The following TMEM132C variants were observed in gnomAD, a reference collection of about 807,000 sequenced individuals.
TMEM132C encodes the protein protein phosphatase 1, regulatory subunit 152.
TMEM132C carries 29 observed loss-of-function variants against 61.4 expected under a neutral mutation model. The ratio of observed to expected loss-of-function variants is 0.47; its 90% confidence interval spans 0.35 to 0.64. The LOEUF (loss-of-function observed/expected upper bound fraction) is 0.64. Among genes scored for constraint, TMEM132C ranks in the 30% least tolerant of loss-of-function variants. TMEM132C has a pLI of 0.00. For synonymous variants in TMEM132C, 656 were observed against 633.1 expected, an observed-to-expected ratio of 1.04 and a Z score of -0.54; for missense variants, 1,408 against 1,476.9, an observed-to-expected ratio of 0.95 and a Z score of 0.76.
chr12:128,649,116 T>G (rs1358149659), intron 4 of TMEM132C, among the ~76,000 whole-genome samples: 3 of 152,256 alleles, frequency 2.0e-5, no homozygotes, highest in Admixed American at 6.5e-5. Flanking sequence ...ATTGCCAGCC[T>G]GGCTCTCGTG....
At chr12:128,463,200 C>T (rs1414969759) in intron 2 of TMEM132C, among the ~76,000 whole-genome samples, 1 of 152,188 alleles carries the variant, frequency 6.6e-6, no homozygotes, top group African/African-American at 2.4e-5. Flanking sequence ...TATATATAAC[C>T]TACCGCAATT....
intron 8 of TMEM132C, 27 bp from the exon 9 acceptor site, chr12:128,705,063 G>C: frequency 2.0e-6 from 3 of 1,493,408 alleles, no homozygotes; most frequent in Non-Finnish European, 2.7e-6. Flanking sequence ...CCCCCAGGTG[G>C]TCTTCTAACT....
chr12:128,614,512 G>C (rs73161919), intron 3 of TMEM132C, among the ~76,000 whole-genome samples: 1 of 151,982 alleles, frequency 6.6e-6, no homozygotes, highest in Non-Finnish European at 1.5e-5. Context: ...ACCACCAGCT[G>C]TCTTAGGCAA....
intron 2 of TMEM132C, among the ~76,000 whole-genome samples, chr12:128,454,499 G>T (rs1329039976): frequency 6.6e-6 from 1 of 152,208 alleles, no homozygotes; most frequent in Non-Finnish European, 1.5e-5. Context: ...AATATAGAAG[G>T]TTAAAATGAC....
chr12:128,571,060 T>C (rs1874861932), intron 3 of TMEM132C, among the ~76,000 whole-genome samples: 1 of 152,204 alleles, frequency 6.6e-6, no homozygotes, highest in Non-Finnish European at 1.5e-5. Context: ...TTTGGGCTTT[T>C]GGATGTAGTC....
intron 1 of TMEM132C, among the ~76,000 whole-genome samples, chr12:128,330,848 A>G (rs867919500): frequency 5.3e-5 from 8 of 152,212 alleles, no homozygotes; most frequent in Admixed American, 3.9e-4. Flanking sequence ...TTTTATATAC[A>G]TGACTGTTAA....
At chr12:128,516,660 C>T (rs1285097853) in intron 2 of TMEM132C, among the ~76,000 whole-genome samples, 1 of 151,930 alleles carries the variant, frequency 6.6e-6, no homozygotes, top group Non-Finnish European at 1.5e-5. Context: ...ACCTATAATC[C>T]CTACACTTTG....
intron 2 of TMEM132C, among the ~76,000 whole-genome samples, chr12:128,473,695 T>G (rs1236050067): frequency 1.3e-5 from 1 of 74,778 alleles, no homozygotes; most frequent in Non-Finnish European, 3.0e-5. Flanking sequence ...CACTCCAGCC[T>G]CCATCTTCAT....
chr12:128,512,433 T>C (rs1332574263), intron 2 of TMEM132C, among the ~76,000 whole-genome samples: 1 of 152,234 alleles, frequency 6.6e-6, no homozygotes, highest in Non-Finnish European at 1.5e-5. Context: ...CATATCAGTA[T>C]ATCCATTCTC....
At chr12:128,614,673 T>C (rs1331909160) in intron 3 of TMEM132C, among the ~76,000 whole-genome samples, 2 of 152,190 alleles carry the variant, frequency 1.3e-5, no homozygotes, top group African/African-American at 4.8e-5. Flanking sequence ...GGACCAACGG[T>C]AGTTCCCAAA....
intron 5 of TMEM132C, among the ~76,000 whole-genome samples, chr12:128,684,588 G>T (rs1009465951): frequency 1.3e-5 from 2 of 152,226 alleles, no homozygotes; most frequent in East Asian, 1.9e-4. Context: ...AGCCGAGAAC[G>T]ACGGGAGATG....
chr12:128,704,421 A>G (rs923789100), intron 8 of TMEM132C, among the ~76,000 whole-genome samples: 1 of 152,160 alleles, frequency 6.6e-6, no homozygotes, highest in Non-Finnish European at 1.5e-5. Context: ...AACCGGGCCC[A>G]CCAGCCAATG....
chr12:128,376,259 A>ATTATTT (rs1450317902), intron 1 of TMEM132C, among the ~76,000 whole-genome samples: 1 of 152,206 alleles, frequency 6.6e-6, no homozygotes, highest in Non-Finnish European at 1.5e-5. Flanking sequence ...CATTGGAGAG[A>ATTATTT]TTATTTTTCT....
At chr12:128,318,321 G>A (rs1288251026) in intron 1 of TMEM132C, among the ~76,000 whole-genome samples, 1 of 152,172 alleles carries the variant, frequency 6.6e-6, no homozygotes, top group South Asian at 2.1e-4. Context: ...TGGAGAGCAG[G>A]TGCTGGAAAA....
chr12:128,569,046 C>T (rs957097570), intron 3 of TMEM132C, among the ~76,000 whole-genome samples: 3 of 152,154 alleles, frequency 2.0e-5, no homozygotes, highest in African/African-American at 4.8e-5. Context: ...AGACATGTGA[C>T]CTGCCAGTTG....
At chr12:128,584,580 G>A (rs1177828259) in intron 3 of TMEM132C, among the ~76,000 whole-genome samples, 1 of 152,216 alleles carries the variant, frequency 6.6e-6, no homozygotes, top group African/African-American at 2.4e-5. Context: ...AATAATTGCT[G>A]TGTAACAGGC....
intron 2 of TMEM132C, among the ~76,000 whole-genome samples, chr12:128,542,688 A>C (rs1176575368): frequency 6.7e-6 from 1 of 150,328 alleles, no homozygotes; most frequent in East Asian, 1.9e-4. Context: ...GGTGAAACCC[A>C]ATCTCTACTA....
intron 2 of TMEM132C, among the ~76,000 whole-genome samples, chr12:128,527,001 A>T (rs1342344424): frequency 5.3e-5 from 8 of 152,170 alleles, no homozygotes; most frequent in Non-Finnish European, 1.0e-4. Context: ...GTGGGCCTCA[A>T]AGTATACACT....
chr12:128,352,320 G>C (rs1236640516), intron 1 of TMEM132C, among the ~76,000 whole-genome samples: 2 of 152,138 alleles, frequency 1.3e-5, no homozygotes, highest in African/African-American at 2.4e-5. Context: ...GTGAAGTTGG[G>C]GAAAGCCCCT....
Sources: gnomAD v4.1 joint callset for allele counts (sites outside exome capture counted in the v4.1 genomes callset) on GRCh38, gnomAD v4.1.1 for gene constraint, MANE v1.5 for transcripts, NCBI Gene and HGNC (gene_info 2026-07-23, HGNC 2026-07-21) for gene names.